Variants in TASP1 observed in about 807,000 individuals in gnomAD.
The protein encoded by TASP1 is threonine aspartase 1.
In TASP1, 16 loss-of-function variants were observed where a neutral mutation model predicts 56.6. The observed-to-expected ratio is 0.28, with a 90% CI of 0.19 to 0.43. The LOEUF (loss-of-function observed/expected upper bound fraction) is 0.43. Among genes scored for constraint, TASP1 ranks in the 20% least tolerant of loss-of-function variants. The pLI is 1.00. For missense variants in TASP1, 393 were observed against 511.6 expected (o/e 0.77, Z 2.24); for synonymous variants, 179 against 184.2 (o/e 0.97, Z 0.23).
rs1486806317 is a variant in TASP1 at position 13,518,498 on chromosome 20, A to T, written c.874+9935T>A. On this transcript the variant is annotated intron_variant, in intron 10 of 13. Transcript: ENST00000337743. ...CACCACGACCTAAGTCCCCAAATTA[A>T]GCCCCAAACACCTCAGACTCAATCA... Among the ~76,000 whole-genome samples the T allele has an allele frequency of 2.0e-5, 3 of 152,038 alleles. No homozygotes were observed. In the East Asian group the frequency reaches 5.8e-4, roughly 29 times the overall value.
chr20:13,290,257 C>A, the TASP1 span, among the ~76,000 whole-genome samples: 224 of 150,600 alleles, frequency 1.5e-3, no homozygotes, highest in Non-Finnish European at 2.5e-3. Flanking sequence ...TAAATAATAA[C>A]AATATGAGGA....
At chr20:13,585,361 T>C (rs2047264993) in intron 5 of TASP1, among the ~76,000 whole-genome samples, 1 of 152,118 alleles carries the variant, frequency 6.6e-6, no homozygotes, top group Non-Finnish European at 1.5e-5. Context: ...TTCATTAAAA[T>C]CAGAAACTTC....
intron 10 of TASP1, among the ~76,000 whole-genome samples, chr20:13,526,478 G>A (rs2044984687): frequency 6.6e-6 from 1 of 152,124 alleles, no homozygotes; most frequent in Non-Finnish European, 1.5e-5. Context: ...TAAACATTAT[G>A]CATCAAGGTT....
At position 13,547,482 on chromosome 20, in the gene TASP1, A is replaced by G. The variant is rs913914405; in HGVS notation, c.675+11526T>C. ...AAAAGAGAAATATATTTGGTGAGAAAAAAAGGTAATTCCAGAAGGAAGATA... is the reference window on the plus strand; with the variant it reads ...AAAAGAGAAATATATTTGGTGAGAAGAAAAGGTAATTCCAGAAGGAAGATA... On this transcript the variant is annotated intron_variant, in intron 8 of 13. Coordinates refer to ENST00000337743, the MANE Select transcript of TASP1 (RefSeq NM_017714.3). Among the ~76,000 whole-genome samples the G allele has an allele frequency of 3.9e-5, 6 of 152,350 alleles. No homozygotes were observed. In the East Asian group the frequency reaches 9.6e-4, roughly 24 times the overall value.
chr20:13,203,035 T>TA, the TASP1 span, among the ~76,000 whole-genome samples: 4 of 152,362 alleles, frequency 2.6e-5, no homozygotes, highest in East Asian at 7.7e-4. Flanking sequence ...CTGGACTCCC[T>TA]AAACTGATGA....
At chr20:13,477,328 G>A (rs2042981476) in intron 11 of TASP1, among the ~76,000 whole-genome samples, 1 of 151,918 alleles carries the variant, frequency 6.6e-6, no homozygotes, top group Non-Finnish European at 1.5e-5. Context: ...TATTCCACAT[G>A]GAATTTTCCA....
chr20:13,450,855 G>A (rs1403443836), intron 11 of TASP1, among the ~76,000 whole-genome samples: 1 of 152,066 alleles, frequency 6.6e-6, no homozygotes, highest in Non-Finnish European at 1.5e-5. Flanking sequence ...GATTTCAAAA[G>A]CAACAAATCC....
At chr20:13,244,004 A>G in the TASP1 span, 14,110 of 152,264 alleles carry the variant, frequency 0.093, 862 homozygotes, top group East Asian at 0.17. Flanking sequence ...GTGTTTGTCT[A>G]TTACCACATC....
the TASP1 span, among the ~76,000 whole-genome samples, chr20:13,122,337 C>T: frequency 2.6e-5 from 4 of 152,192 alleles, no homozygotes; most frequent in African/African-American, 9.7e-5. Flanking sequence ...ATGAGTAGAT[C>T]AGGAACTCCC....
intron 4 of TASP1, among the ~76,000 whole-genome samples, chr20:13,602,228 T>C (rs1315133332): frequency 6.6e-6 from 1 of 151,908 alleles, no homozygotes; most frequent in African/African-American, 2.4e-5. Flanking sequence ...AAATCTCAAT[T>C]AAAGGAAACT....
At chr20:13,303,105 C>T in the TASP1 span, among the ~76,000 whole-genome samples, 1 of 152,156 alleles carries the variant, frequency 6.6e-6, no homozygotes, top group Middle Eastern at 3.2e-3. Flanking sequence ...GGAAAAGAAG[C>T]CCAACAAGGT....
chr20:13,414,260 G>T (rs6079050), intron 13 of TASP1, among the ~76,000 whole-genome samples: 1 of 152,100 alleles, frequency 6.6e-6, no homozygotes, highest in Non-Finnish European at 1.5e-5. Flanking sequence ...TTCACAGTTA[G>T]GTTCAGGTTA....
chr20:13,413,285 C>G (rs937450320), intron 13 of TASP1, among the ~76,000 whole-genome samples: 1 of 152,174 alleles, frequency 6.6e-6, no homozygotes, highest in Non-Finnish European at 1.5e-5. Flanking sequence ...TGGGCAACAT[C>G]TGTCCTGTTT....
intron 4 of TASP1, chr20:13,617,213 C>G: frequency 3.5e-6 from 1 of 282,436 alleles, no homozygotes; most frequent in Non-Finnish European, 7.1e-6. Flanking sequence ...ACTGGGAATA[C>G]TGCTAAACAG....
intron 11 of TASP1, among the ~76,000 whole-genome samples, chr20:13,440,020 AG>A (rs1346260204): frequency 6.6e-6 from 1 of 152,170 alleles, no homozygotes; most frequent in African/African-American, 2.4e-5. Context: ...AAAGGAGAGA[AG>A]GGTCTAAAAA....
the TASP1 span, chr20:13,279,596 GAC>G: frequency 6.3e-7 from 1 of 1,583,900 alleles, no homozygotes; most frequent in Admixed American, 1.7e-5. Context: ...GGAGGCTGTT[GAC>G]TCCACACTGA....
chr20:13,194,002 T>C, the TASP1 span, among the ~76,000 whole-genome samples: 1,347 of 152,314 alleles, frequency 8.8e-3, 15 homozygotes, highest in Non-Finnish European at 0.015. Context: ...ATCTATGTAA[T>C]TTATGTAGGT....
chr20:13,441,973 T>C (rs922451852), intron 11 of TASP1, among the ~76,000 whole-genome samples: 2 of 152,198 alleles, frequency 1.3e-5, no homozygotes, highest in Admixed American at 6.5e-5. Context: ...CCCAACTGCC[T>C]GTAGAATGAT....
chr20:13,593,584 G>A (rs927606896), intron 4 of TASP1, among the ~76,000 whole-genome samples: 3 of 152,194 alleles, frequency 2.0e-5, no homozygotes, highest in Non-Finnish European at 2.9e-5. Context: ...CACACCCATG[G>A]AGCCTTGCTC....
Sources: gnomAD v4.1 joint callset for allele counts (sites outside exome capture counted in the v4.1 genomes callset) on GRCh38, gnomAD v4.1.1 for gene constraint, MANE v1.5 for transcripts, NCBI Gene and HGNC (gene_info 2026-07-23, HGNC 2026-07-21) for gene names.